Variants in DEPDC1B observed in about 807,000 individuals in gnomAD.
The protein encoded by DEPDC1B is DEP domain-containing protein 1B.
A neutral mutation model predicts 66.5 loss-of-function variants in DEPDC1B; 51 were observed. That is an observed-to-expected ratio of 0.77 (90% CI 0.61 to 0.97). The LOEUF (loss-of-function observed/expected upper bound fraction) is 0.97, where lower values mean the gene tolerates loss of function less well. Ranked by LOEUF, DEPDC1B falls within the 50% of genes least tolerant of loss-of-function variation. The pLI is 0.00. For missense variants in DEPDC1B, 552 were observed against 637.1 expected (o/e 0.87, Z 1.44); for synonymous variants, 226 against 223.6 (o/e 1.01, Z -0.10).
At chr5:60,631,713 A>G (rs1296366232) in intron 7 of DEPDC1B, among the ~76,000 whole-genome samples, 3 of 152,190 alleles carry the variant, frequency 2.0e-5, no homozygotes, top group African/African-American at 7.2e-5. Context: ...TAAATTGCTC[A>G]GTACAGGGCC....
chr5:60,616,005 C>G (rs892300451), intron 7 of DEPDC1B, among the ~76,000 whole-genome samples: 2 of 152,186 alleles, frequency 1.3e-5, no homozygotes, highest in Non-Finnish European at 2.9e-5. Context: ...GTTCTGCAGC[C>G]TCTGCTGCTG....
chr5:60,618,278 AACTAAG>A (rs1174283324), intron 7 of DEPDC1B, among the ~76,000 whole-genome samples: 1 of 152,218 alleles, frequency 6.6e-6, no homozygotes, highest in Admixed American at 6.5e-5. Context: ...GGCAAGAAAT[AACTAAG>A]ATCAGAGCAG....
intron 2 of DEPDC1B, among the ~76,000 whole-genome samples, chr5:60,653,051 A>G (rs1753492235): frequency 6.7e-6 from 1 of 149,184 alleles, no homozygotes; most frequent in Non-Finnish European, 1.5e-5. Context: ...TGCAACTGCA[A>G]ATTGTGCTGC....
chr5:60,664,810 A>G (rs1753801298), intron 2 of DEPDC1B, among the ~76,000 whole-genome samples: 1 of 152,172 alleles, frequency 6.6e-6, no homozygotes, highest in Non-Finnish European at 1.5e-5. Context: ...GAGTAAATAT[A>G]TATACAGAAT....
At chr5:60,692,178 T>G (rs1206414901) in intron 1 of DEPDC1B, among the ~76,000 whole-genome samples, 1 of 152,046 alleles carries the variant, frequency 6.6e-6, no homozygotes, top group Non-Finnish European at 1.5e-5. Context: ...AACCAGAGGC[T>G]GAGGGGAGTG....
chr5:60,644,766 C>A lies in DEPDC1B; in HGVS notation c.688G>T (p.Val230Phe). ...NVYSVSKQGV[V>F]ILDDKSKELP... ...TTACTTGACTTGTCATCAAGAATAA[C>A]AACTCCCTGCTTGCTAACACTATAT... Residue 230 changes from valine (V) to phenylalanine (F), a missense_variant, in exon 5 of 11, where the codon GTT (valine) becomes TTT (phenylalanine). Transcript: ENST00000265036. The A allele has an allele frequency of 6.9e-6, 11 of 1,594,754 alleles. No homozygotes were observed. The highest frequency in any genetic ancestry group is 9.4e-6 in the Non-Finnish European group (11 of 1,172,488).
chr5:60,673,363 G>C (rs889517366), intron 2 of DEPDC1B, among the ~76,000 whole-genome samples: 4 of 152,282 alleles, frequency 2.6e-5, no homozygotes, highest in Non-Finnish European at 5.9e-5. Context: ...ACCATGCCTG[G>C]CATACAACAG....
At chr5:60,666,616 ATCTGTCTTCAGG>A (rs1227966615) in intron 2 of DEPDC1B, among the ~76,000 whole-genome samples, 2 of 152,040 alleles carry the variant, frequency 1.3e-5, no homozygotes, top group African/African-American at 4.8e-5. Context: ...CTGTGATGTG[ATCTGTCTTCAGG>A]TCCCTCAGCC....
In DEPDC1B at chr5:60,626,654, C is replaced by T. The variant is rs185961267; in HGVS notation, c.898+12096G>A. On this transcript the variant is annotated intron_variant, in intron 7 of 10. Coordinates refer to ENST00000265036, the MANE Select transcript of DEPDC1B (RefSeq NM_018369.3). ...GTGTTTAATTAAAACAAAAAGTTTA[C>T]GAAAATACCTACTCTTGCTACATAC... 3.6e-4 allele frequency among the ~76,000 whole-genome samples: 54 copies of T among 152,088 alleles called. No individual in the cohort carries two copies. In the East Asian group the frequency reaches 6.4e-3, roughly 18 times the overall value.
intron 3 of DEPDC1B, among the ~76,000 whole-genome samples, chr5:60,645,997 A>C (rs893238101): frequency 6.6e-6 from 1 of 152,206 alleles, no homozygotes; most frequent in Non-Finnish European, 1.5e-5. Context: ...CACTGTACAG[A>C]CTGATTATTG....
intron 1 of DEPDC1B, among the ~76,000 whole-genome samples, chr5:60,692,495 A>G (rs1011840339): frequency 6.6e-6 from 1 of 152,138 alleles, no homozygotes; most frequent in Non-Finnish European, 1.5e-5. Context: ...TTAGAGACCT[A>G]AAAAATAAGA....
At chr5:60,689,189 T>C (rs183686405) in intron 1 of DEPDC1B, 1 of 386,780 alleles carries the variant, frequency 2.6e-6, no homozygotes, top group Non-Finnish European at 5.2e-6. Flanking sequence ...AAGATGCCAC[T>C]AGGCGGCAGG....
At chr5:60,666,169 C>T (rs555956263) in intron 2 of DEPDC1B, among the ~76,000 whole-genome samples, 103 of 152,294 alleles carry the variant, frequency 6.8e-4, no homozygotes, top group African/African-American at 2.3e-3. Context: ...TCTAACCCAG[C>T]GAGGCGCCCA....
chr5:60,639,913 G>A (rs551737355), intron 6 of DEPDC1B, among the ~76,000 whole-genome samples: 1 of 152,106 alleles, frequency 6.6e-6, no homozygotes, highest in Non-Finnish European at 1.5e-5. Flanking sequence ...ACCCCCAGAG[G>A]ATCAAAAGCA....
intron 7 of DEPDC1B, among the ~76,000 whole-genome samples, chr5:60,608,992 C>T (rs1400593791): frequency 2.0e-5 from 3 of 151,958 alleles, no homozygotes; most frequent in African/African-American, 7.2e-5. Context: ...TGCTTGTGGT[C>T]CTAGCTACTC....
At chr5:60,605,929 C>T in intron 7 of DEPDC1B, 73 bp from the exon 8 acceptor site, 1 of 1,264,766 alleles carries the variant, frequency 7.9e-7, no homozygotes, top group East Asian at 2.5e-5. Flanking sequence ...TGTATTTTAA[C>T]AAAATATATA....
intron 2 of DEPDC1B, among the ~76,000 whole-genome samples, chr5:60,660,860 C>T (rs1753697994): frequency 1.3e-5 from 2 of 152,170 alleles, no homozygotes; most frequent in African/African-American, 4.8e-5. Flanking sequence ...GAACTCCCTT[C>T]AGAAAAGGAG....
At chr5:60,698,993 C>A (rs1364899229) in intron 1 of DEPDC1B, among the ~76,000 whole-genome samples, 1 of 152,160 alleles carries the variant, frequency 6.6e-6, no homozygotes, top group Non-Finnish European at 1.5e-5. Context: ...ATCAGATTCT[C>A]AAAGCGATCT....
chr5:60,605,167 G>A (rs1034051402), intron 8 of DEPDC1B, among the ~76,000 whole-genome samples: 5 of 152,200 alleles, frequency 3.3e-5, no homozygotes, highest in African/African-American at 1.2e-4. Flanking sequence ...ACAGGGACAT[G>A]GAAATAGATG....
Sources: allele counts gnomAD v4.1 joint callset (sites outside exome capture counted in the v4.1 genomes callset), GRCh38; gene constraint gnomAD v4.1.1; transcripts MANE v1.5; gene names NCBI Gene and HGNC (gene_info 2026-07-23, HGNC 2026-07-21).